Variants in TRPM3 observed in about 807,000 individuals in gnomAD.
TRPM3 encodes long transient receptor potential channel 3.
In TRPM3, 77 loss-of-function variants were observed where a neutral mutation model predicts 181.2. The ratio of observed to expected loss-of-function variants is 0.42; its 90% CI spans 0.35 to 0.51. The LOEUF is 0.51. Ranked by LOEUF, TRPM3 falls within the 20% of genes least tolerant of loss-of-function variation. TRPM3 has a pLI of 0.01. For missense variants in TRPM3, 1,759 were observed against 2,196.7 expected, an observed-to-expected ratio of 0.80 and a Z score of 3.98; for synonymous variants, 745 against 796.4, an observed-to-expected ratio of 0.94 and a Z score of 1.09.
intron 1 of TRPM3, among the ~76,000 whole-genome samples, chr9:71,134,014 T>TGTGTGTGTGCGCGC (rs1554832860): frequency 1.4e-5 from 2 of 139,946 alleles, no homozygotes; most frequent in Non-Finnish European, 3.2e-5. Flanking sequence ...TGTGTGTGTG[T>TGTGTGTGTGCGCGC]GCGCGTGCGC....
chr9:70,857,300 G>A (rs77316944), intron 3 of TRPM3, among the ~76,000 whole-genome samples: 2,638 of 151,528 alleles, frequency 0.017, 82 homozygotes, highest in African/African-American at 0.059. Context: ...TTCTTCCTGC[G>A]TCACAATTTT....
chr9:70,667,137 T>C (rs2061958121), intron 9 of TRPM3, among the ~76,000 whole-genome samples: 1 of 151,946 alleles, frequency 6.6e-6, no homozygotes, highest in African/African-American at 2.4e-5. Context: ...GTGTTAGAGG[T>C]CTTTCCTATG....
chr9:70,692,240 C>A (rs1205566880), intron 8 of TRPM3, among the ~76,000 whole-genome samples: 5 of 152,088 alleles, frequency 3.3e-5, no homozygotes, highest in Admixed American at 2.0e-4. Context: ...AGTATTTTGT[C>A]CAATAGATGT....
chr9:70,687,912 C>T (rs915080435), intron 8 of TRPM3, among the ~76,000 whole-genome samples: 1 of 152,204 alleles, frequency 6.6e-6, no homozygotes, highest in Non-Finnish European at 1.5e-5. Context: ...GACAACAACT[C>T]CCTGCCTTCA....
chr9:71,021,814 A>G (rs1401599961), intron 1 of TRPM3, among the ~76,000 whole-genome samples: 1 of 152,198 alleles, frequency 6.6e-6, no homozygotes, highest in East Asian at 1.9e-4. Context: ...AGGGGAAGGA[A>G]GAAGAAGGAA....
At chr9:70,646,968 T>C (rs757879828) in intron 9 of TRPM3, among the ~76,000 whole-genome samples, 1 of 150,036 alleles carries the variant, frequency 6.7e-6, no homozygotes, top group African/African-American at 2.4e-5. Context: ...CCTTGTAACA[T>C]ACAACCTCCC....
chr9:70,615,539 A>G (rs1041790029), intron 18 of TRPM3, among the ~76,000 whole-genome samples: 2 of 152,242 alleles, frequency 1.3e-5, no homozygotes, highest in Non-Finnish European at 2.9e-5. Context: ...AGTTCAGTGA[A>G]GCCGGCTGCT....
chr9:71,234,920 T>C (rs576113272), intron 1 of TRPM3, among the ~76,000 whole-genome samples: 4 of 152,316 alleles, frequency 2.6e-5, no homozygotes, highest in Admixed American at 2.0e-4. Flanking sequence ...TAACAAATAG[T>C]GTGCAAATAA....
At chr9:70,631,793 G>A (rs537821731) in intron 12 of TRPM3, among the ~76,000 whole-genome samples, 1 of 152,158 alleles carries the variant, frequency 6.6e-6, no homozygotes, top group African/African-American at 2.4e-5. Flanking sequence ...AATAATTTGA[G>A]ATTTCAAAAC....
rs1752615598 is a variant in TRPM3 at position 70,532,109 on chromosome 9, T to G, written c.*3844A>C. On this transcript the variant is annotated 3_prime_UTR_variant, in exon 26 of 26. Transcript: ENST00000677713. ...TTTACATGTGTTTTATAATACAGCA[T>G]TGCCCAACATATGAATGGTATAGCC... 1.3e-5 allele frequency: 2 copies of G among 152,290 alleles called. 1 individual carries two copies. Among genetic ancestry groups the G allele is most frequent in the Non-Finnish European group, 2.9e-5 (2 of 68,020 alleles). The allele number at this position is 152,290 out of a possible 1,614,324, so 9.4% of individuals were successfully genotyped here.
At chr9:71,020,235 G>C (rs2097833509) in intron 1 of TRPM3, among the ~76,000 whole-genome samples, 1 of 152,026 alleles carries the variant, frequency 6.6e-6, no homozygotes, top group Non-Finnish European at 1.5e-5. Flanking sequence ...GGGAGGCTGA[G>C]GTGGGAGGAT....
In TRPM3 at chr9:71,121,572, G is replaced by A. The variant is rs2134393061; in HGVS notation, c.-218C>T. On this transcript the variant is annotated 5_prime_UTR_variant, in exon 1 of 26. Transcript: ENST00000677713. ...TGCACGATTTTGAAGAAGAGGGACA[G>A]CCTGCACAAAACAGCCTGTGGTCGG... The A allele has an allele frequency of 3.0e-6, 4 of 1,351,652 alleles. No homozygotes were observed. In the East Asian group the frequency reaches 1.1e-4, roughly 38 times the overall value. The allele number at this position is 1,351,652 out of a possible 1,614,324, so 83.7% of individuals were successfully genotyped here. A position where few individuals can be genotyped will look rare whatever the true frequency, so the allele number is the denominator to read the frequency against.
At chr9:70,596,657 G>A (rs560788448) in intron 21 of TRPM3, among the ~76,000 whole-genome samples, 1 of 150,948 alleles carries the variant, frequency 6.6e-6, no homozygotes, top group Non-Finnish European at 1.5e-5. Flanking sequence ...CTAGAACCCA[G>A]GAGGCAGAGG....
At chr9:71,020,221 C>A (rs2097833231) in intron 1 of TRPM3, among the ~76,000 whole-genome samples, 1 of 151,714 alleles carries the variant, frequency 6.6e-6, no homozygotes, top group Admixed American at 6.6e-5. Flanking sequence ...AATCCCAGCA[C>A]TTTGGGAGGC....
intron 9 of TRPM3, among the ~76,000 whole-genome samples, chr9:70,653,275 G>A (rs1408419369): frequency 6.6e-6 from 1 of 152,112 alleles, no homozygotes; most frequent in Non-Finnish European, 1.5e-5. Context: ...AGTAACAGGG[G>A]ATACCATCTG....
At chr9:71,391,572 G>A (rs2093064315) in intron 1 of TRPM3, among the ~76,000 whole-genome samples, 2 of 151,982 alleles carry the variant, frequency 1.3e-5, no homozygotes, top group Non-Finnish European at 2.9e-5. Context: ...AAACGTTATT[G>A]AAATGTTTCC....
At chr9:70,960,673 T>C (rs1426023422) in intron 1 of TRPM3, among the ~76,000 whole-genome samples, 1 of 152,178 alleles carries the variant, frequency 6.6e-6, no homozygotes, top group Non-Finnish European at 1.5e-5. Flanking sequence ...TGAGGCTGTA[T>C]TTACAAGCAT....
At chr9:70,567,585 G>A (rs2050958431) in intron 22 of TRPM3, among the ~76,000 whole-genome samples, 1 of 152,218 alleles carries the variant, frequency 6.6e-6, no homozygotes, top group East Asian at 1.9e-4. Context: ...TCTAAACAAT[G>A]CTATGTGAAC....
chr9:71,402,879 G>T (rs550164061), intron 1 of TRPM3, among the ~76,000 whole-genome samples: 1 of 152,140 alleles, frequency 6.6e-6, no homozygotes, highest in Non-Finnish European at 1.5e-5. Flanking sequence ...CAGAGCCAGT[G>T]CACAGCATCC....
Sources: allele counts gnomAD v4.1 joint callset (sites outside exome capture counted in the v4.1 genomes callset), GRCh38; gene constraint gnomAD v4.1.1; transcripts MANE v1.5; gene names NCBI Gene and HGNC (gene_info 2026-07-23, HGNC 2026-07-21).